The following INPP5D variants were observed in gnomAD, a reference collection of about 807,000 sequenced individuals.
The protein encoded by INPP5D is phosphatidylinositol 3,4,5-trisphosphate 5-phosphatase 1.
In INPP5D, 33 loss-of-function variants were observed where a neutral mutation model predicts 122.9. The ratio of observed to expected loss-of-function variants is 0.27; its 90% CI spans 0.20 to 0.36. The LOEUF (loss-of-function observed/expected upper bound fraction) is 0.36. Among genes scored for constraint, INPP5D ranks in the 10% least tolerant of loss-of-function variants. The pLI is 1.00. For missense variants in INPP5D, 1,053 were observed against 1,412.7 expected, an observed-to-expected ratio of 0.75 and a Z score of 4.08; for synonymous variants, 584 against 576.2, an observed-to-expected ratio of 1.01 and a Z score of -0.19.
chr2:233,149,658 T>G (rs912675284), intron 9 of INPP5D, among the ~76,000 whole-genome samples: 3 of 152,200 alleles, frequency 2.0e-5, no homozygotes, highest in Non-Finnish European at 4.4e-5. Context: ...TGCCATATTT[T>G]GCAATAGTGC....
At chr2:233,194,671 T>C (rs1306428959) in intron 23 of INPP5D, among the ~76,000 whole-genome samples, 1 of 152,022 alleles carries the variant, frequency 6.6e-6, no homozygotes, top group African/African-American at 2.4e-5. Flanking sequence ...CTAATTTTTA[T>C]ATTTTTAGTA....
At chr2:233,169,852 T>G in intron 14 of INPP5D, 174 bp from the exon 15 acceptor site, 1 of 1,251,244 alleles carries the variant, frequency 8.0e-7, no homozygotes, top group Non-Finnish European at 1.1e-6. Context: ...GCATCCTGGC[T>G]GTGCCATATT....
rs553326893 is a variant in INPP5D at position 233,108,227 on chromosome 2, T to G, written c.199-13880T>G. Among the ~76,000 whole-genome samples the G allele has an allele frequency of 2.2e-4, 34 of 152,286 alleles. No individual in the cohort carries two copies. In the East Asian group the frequency reaches 6.4e-3, roughly 29 times the overall value. On this transcript the variant is annotated intron_variant, in intron 2 of 26. Coordinates refer to ENST00000445964, the MANE Select transcript of INPP5D (RefSeq NM_001017915.3). ...CAGCCCCCTGGCTCTGTGCCTGTCC[T>G]CCTCCGGGATCTCACTATCATCCAG...
Position 233,128,771 on chromosome 2 carries a change from C to T in INPP5D, c.525-1737C>T, listed in dbSNP as rs1260267393. ...GGGATTATAGGCGTGACCCACCATG[C>T]CTGGCAATTCCTGTCCAATCTTAAG... On this transcript the variant is annotated intron_variant, in intron 4 of 26. Transcript: ENST00000445964. This position sits in a 1 kb window ranked among gnomAD's most constrained non-coding sequence, Gnocchi z 4.5. Among the ~76,000 whole-genome samples, 1 of 152,214 alleles carries T rather than the reference C, an allele frequency of 6.6e-6. No individual in the cohort carries two copies. Among genetic ancestry groups the T allele is most frequent in the East Asian group, 1.9e-4 (1 of 5,200 alleles).
At chr2:233,099,861 G>A (rs1487982662) in intron 2 of INPP5D, among the ~76,000 whole-genome samples, 1 of 152,174 alleles carries the variant, frequency 6.6e-6, no homozygotes, top group Non-Finnish European at 1.5e-5. Context: ...AAAGAAAGAG[G>A]TTTAATGGAC....
rs1318531673 is a variant in INPP5D at position 233,121,168 on chromosome 2, G to T, written c.199-939G>T. 3.3e-5 allele frequency among the ~76,000 whole-genome samples: 4 copies of T among 120,268 alleles called. No homozygotes were observed. The East Asian group carries it at 7.3e-4, about 22-fold the overall frequency. 78.9% of individuals were successfully genotyped at this position (120,268 alleles called of 152,430 possible). The stretch of plus-strand genomic sequence containing the variant: ...TTTTTTTGAGACAGGGTCTCACTCT[G>T]TCGCCCAGGCTGGAGTGCAGTGGTG... On this transcript the variant is annotated intron_variant, in intron 2 of 26. Transcript: ENST00000445964.
intron 2 of INPP5D, among the ~76,000 whole-genome samples, chr2:233,094,535 A>AAAAAAAAAAAAAAAAAAC (rs1692081371): frequency 6.6e-6 from 1 of 150,792 alleles, no homozygotes; most frequent in Non-Finnish European, 1.5e-5. Flanking sequence ...AAAAAAAAAA[A>AAAAAAAAAAAAAAAAAAC]AAAAAAATTC....
rs1694858715 is a variant in INPP5D at position 233,184,487 on chromosome 2, A to G, written c.2241A>G (p.Lys747=). The change falls in exon 20 of 27, where the codon AAA becomes AAG. Residue 747 remains lysine, a synonymous_variant. Transcript: ENST00000445964. ...YATLKTKSQT[K]FYLEFHSSCL... ...CATTGAAGACCAAGTCCCAGACCAAATTCTACCTGGAGTTCCACTCGAGCT... is the reference window on the plus strand; with the variant it reads ...CATTGAAGACCAAGTCCCAGACCAAGTTCTACCTGGAGTTCCACTCGAGCT... 6.2e-7 allele frequency: 1 copy of G among 1,613,848 alleles called. No homozygotes were observed. Among genetic ancestry groups the G allele is most frequent in the African/African-American group, 1.3e-5 (1 of 74,904 alleles).
chr2:233,100,019 C>T lies in INPP5D; in HGVS notation c.198+20621C>T, dbSNP rs190596999. On this transcript the variant is annotated intron_variant, in intron 2 of 26. Coordinates refer to ENST00000445964, the MANE Select transcript of INPP5D (RefSeq NM_001017915.3). The surrounding 1 kb of genome is among the most constrained non-coding windows in gnomAD (Gnocchi z 5.3). ...ATCTCATGAGACCCATTCACTATCA[C>T]GAGAACAGAGCCGCCATAATTCAAT... 8.3e-4 allele frequency among the ~76,000 whole-genome samples: 127 copies of T among 152,322 alleles called. No homozygotes were observed. Among genetic ancestry groups the T allele is most frequent in the Admixed American group, 1.8e-3 (27 of 15,308 alleles).
chr2:233,137,854 ATATATATAT>A (rs568108259), intron 5 of INPP5D, among the ~76,000 whole-genome samples: 62 of 8,890 alleles, frequency 7.0e-3, no homozygotes, highest in African/African-American at 7.6e-3. Flanking sequence ...AAAAAAAAAA[ATATATATAT>A]ATATATATAT....
intron 2 of INPP5D, among the ~76,000 whole-genome samples, chr2:233,086,930 G>C (rs1288892613): frequency 6.6e-6 from 1 of 152,126 alleles, no homozygotes; most frequent in African/African-American, 2.4e-5. Context: ...CTCCAGCCCT[G>C]TCCCAGACAT....
chr2:233,195,623 G>A, intron 24 of INPP5D, 128 bp downstream of exon 24: 1 of 1,463,428 alleles, frequency 6.8e-7, no homozygotes, highest in Middle Eastern at 2.3e-4. Flanking sequence ...AAGGCTGGAG[G>A]ATCATTTGAG....
chr2:233,162,753 G>C (rs1694229257), intron 11 of INPP5D, among the ~76,000 whole-genome samples: 2 of 152,218 alleles, frequency 1.3e-5, no homozygotes, highest in South Asian at 4.1e-4. Flanking sequence ...TGGAAGTGAA[G>C]TGACAGCTTG....
At chr2:233,103,236 T>C (rs565642600) in intron 2 of INPP5D, among the ~76,000 whole-genome samples, 7 of 152,310 alleles carry the variant, frequency 4.6e-5, no homozygotes, top group African/African-American at 1.4e-4. Context: ...AAATCTCTGC[T>C]GCACAAAGAA....
intron 2 of INPP5D, among the ~76,000 whole-genome samples, chr2:233,108,360 T>C (rs1692521251): frequency 6.6e-6 from 1 of 152,230 alleles, no homozygotes; most frequent in Non-Finnish European, 1.5e-5. Context: ...CTCTGACCGC[T>C]CAGGCAAGCT....
rs1384318050 is a variant in INPP5D at position 233,125,739 on chromosome 2, C to A, written c.350-6C>A. 3 of 1,611,158 alleles carry A rather than the reference C, an allele frequency of 1.9e-6. No homozygotes were observed. In the Admixed American group the frequency reaches 5.0e-5, roughly 27 times the overall value. On this transcript the variant is annotated splice_polypyrimidine_tract_variant and splice_region_variant and intron_variant, in intron 3 of 26. Transcript: ENST00000445964. ...TCACCAATGGCCTTCCTGCTGTTCT[C>A]TCCAGTAGAAAGTGTCGTGTCTCCA...
intron 22 of INPP5D, among the ~76,000 whole-genome samples, chr2:233,192,201 T>C (rs918961868): frequency 2.6e-5 from 4 of 152,240 alleles, no homozygotes; most frequent in Non-Finnish European, 5.9e-5. Flanking sequence ...CTGAAATGTT[T>C]GAAGCTTTGT....
At chr2:233,069,502 C>T (rs1305438792) in intron 1 of INPP5D, among the ~76,000 whole-genome samples, 2 of 152,138 alleles carry the variant, frequency 1.3e-5, no homozygotes, top group Non-Finnish European at 2.9e-5. Flanking sequence ...TATGTAATTT[C>T]CATTTTGTAT....
chr2:233,091,106 C>A (rs1313466644), intron 2 of INPP5D, among the ~76,000 whole-genome samples: 1 of 152,170 alleles, frequency 6.6e-6, no homozygotes, highest in African/African-American at 2.4e-5. Context: ...CTCCTTCCTG[C>A]CCCAGGGTCT....
Sources: allele counts gnomAD v4.1 joint callset (sites outside exome capture counted in the v4.1 genomes callset), GRCh38; gene constraint gnomAD v4.1.1; non-coding constraint Gnocchi (gnomAD v3.1); transcripts MANE v1.5; gene names NCBI Gene and HGNC (gene_info 2026-07-23, HGNC 2026-07-21).